NEK9: variants seen among roughly 807,000 people sequenced by gnomAD.
NEK9 encodes the protein NIMA related kinase 9.
A neutral mutation model predicts 123.4 loss-of-function variants in NEK9; 75 were observed. The observed-to-expected ratio is 0.61, with a 90% confidence interval of 0.50 to 0.74. NEK9 has a LOEUF of 0.74. Among genes scored for constraint, NEK9 ranks in the 30% least tolerant of loss-of-function variants. The pLI is 0.00. For missense variants in NEK9, 952 were observed against 1,214.4 expected, an observed-to-expected ratio of 0.78 and a Z score of 3.21; for synonymous variants, 438 against 458.7, an observed-to-expected ratio of 0.95 and a Z score of 0.58.
rs201030660 is a variant in NEK9, at chr14:75,087,176, G to T, written c.2659C>A (p.Pro887Thr). The change falls in exon 21 of 22, where the codon CCT (proline) becomes ACT (threonine). Residue 887 changes from proline to threonine, a missense_variant. Coordinates refer to ENST00000238616, the MANE Select transcript of NEK9 (RefSeq NM_033116.6). ...TCAGKGTPLTPPACACSSLQV... is the reference protein window; with the variant it reads ...TCAGKGTPLTTPACACSSLQV... The stretch of plus-strand genomic sequence containing the variant: ...AGAGAGCTGCACGCACACGCAGGAG[G>T]AGTCAGTGGTGTTCCCTTCCCAGCA... The T allele has an allele frequency of 7.8e-5, 126 of 1,614,110 alleles. No individual in the cohort carries two copies. Among genetic ancestry groups the T allele is most frequent in the Non-Finnish European group, 8.9e-5 (105 of 1,180,030 alleles).
chr14:75,115,337 G>A (rs1451349428), intron 6 of NEK9, among the ~76,000 whole-genome samples: 6 of 151,996 alleles, frequency 3.9e-5, no homozygotes, highest in African/African-American at 1.2e-4. Flanking sequence ...GGCTGGTCTC[G>A]AACTCCTGAC....
At chr14:75,086,502 GA>G (rs942626863) in intron 21 of NEK9, 2 of 156,976 alleles carry the variant, frequency 1.3e-5, no homozygotes, top group Non-Finnish European at 2.8e-5. Flanking sequence ...TATTGTAAAA[GA>G]AAAAACATAC....
intron 18 of NEK9, among the ~76,000 whole-genome samples, chr14:75,094,520 G>A (rs1894318825): frequency 6.6e-6 from 1 of 152,172 alleles, no homozygotes; most frequent in South Asian, 2.1e-4. Flanking sequence ...TCTGGGCTGG[G>A]CATGGTGGCT....
In NEK9 at chr14:75,084,543, G is replaced by C. The variant is rs1414885300; in HGVS notation, c.*21C>G. ...AGTTCTTTGGGTCCCAGTCTCCTGGGGGCTCTACAGGCTCAGGAGACTAGA... is the reference window on the plus strand; with the variant it reads ...AGTTCTTTGGGTCCCAGTCTCCTGGCGGCTCTACAGGCTCAGGAGACTAGA... On this transcript the variant is annotated 3_prime_UTR_variant, in exon 22 of 22. Transcript: ENST00000238616. 1 of 1,613,790 alleles carries C rather than the reference G, an allele frequency of 6.2e-7. No individual in the cohort carries two copies. Among genetic ancestry groups the C allele is most frequent in the Non-Finnish European group, 8.5e-7 (1 of 1,179,772 alleles).
At chr14:75,123,924 A>C in intron 2 of NEK9, 122 bp downstream of exon 2, 1 of 842,234 alleles carries the variant, frequency 1.2e-6, no homozygotes, top group Non-Finnish European at 1.7e-6. Context: ...GTTTCTCTTA[A>C]ACTCTAGAAA....
At chr14:75,100,066 T>C (rs7158770) in intron 16 of NEK9, among the ~76,000 whole-genome samples, 1,782 of 120,602 alleles carry the variant, frequency 0.015, 41 homozygotes, top group African/African-American at 0.055. Flanking sequence ...GAGGTGGAGG[T>C]TGCAGTGAGC....
intron 13 of NEK9, among the ~76,000 whole-genome samples, chr14:75,104,227 C>T (rs1037679470): frequency 1.3e-5 from 2 of 150,018 alleles, no homozygotes; most frequent in East Asian, 2.0e-4. Flanking sequence ...TGAAGTCGTG[C>T]GATCTTAGCT....
chr14:75,103,501 T>C (rs1370105372), intron 14 of NEK9, among the ~76,000 whole-genome samples: 1 of 152,234 alleles, frequency 6.6e-6, no homozygotes, highest in Non-Finnish European at 1.5e-5. Context: ...GACACATTTT[T>C]CTATATACAT....
intron 8 of NEK9, among the ~76,000 whole-genome samples, chr14:75,111,100 GC>G (rs1894944953): frequency 6.6e-6 from 1 of 152,074 alleles, no homozygotes. Context: ...CACGTGAACT[GC>G]CCTCTCGCAA....
chr14:75,109,720 C>G lies in NEK9; in HGVS notation c.1147G>C (p.Val383Leu). 3 of 1,614,062 alleles carry G rather than the reference C, an allele frequency of 1.9e-6. No individual in the cohort carries two copies. Among genetic ancestry groups the G allele is most frequent in the Middle Eastern group, 1.6e-4 (1 of 6,062 alleles). The change falls in exon 10 of 22, where the codon GTG (valine) becomes CTG (leucine). Residue 383 changes from valine (V) to leucine (L), a missense_variant. Coordinates refer to ENST00000238616, the MANE Select transcript of NEK9 (RefSeq NM_033116.6). ...TACAGTTCCTTCTCCACTGTGACCA[C>G]AGCAAAGTGGGTATTCCCTGCACAG... ...QVCAGNTHFA[V>L]VTVEKELYTW... is the part of the protein sequence containing the mutation.
At chr14:75,090,453 G>T (rs1188032007) in intron 19 of NEK9, among the ~76,000 whole-genome samples, 1 of 151,942 alleles carries the variant, frequency 6.6e-6, no homozygotes, top group Non-Finnish European at 1.5e-5. Flanking sequence ...ACATTCTTTT[G>T]TGTGTTACAT....
At chr14:75,100,145 A>C in intron 16 of NEK9, among the ~76,000 whole-genome samples, 7 of 136,492 alleles carry the variant, frequency 5.1e-5, no homozygotes, top group African/African-American at 1.8e-4. Flanking sequence ...AAAAAAAAAA[A>C]AAAAAAAAAA....
chr14:75,117,383 C>T, intron 5 of NEK9, 57 bp from the exon 6 acceptor site: 1 of 1,530,236 alleles, frequency 6.5e-7, no homozygotes. Flanking sequence ...ACTATGTTAA[C>T]ATTTCAACAG....
Position 75,091,355 on chromosome 14 carries a change from C to G in NEK9, c.2357G>C (p.Arg786Pro), listed in dbSNP as rs114347531. ...GGGACTGATTAAACCTTCCATTCCTCGGTCTGCTTCCATTGTTCCTCGGAA... is the reference window on the plus strand; with the variant it reads ...GGGACTGATTAAACCTTCCATTCCTGGGTCTGCTTCCATTGTTCCTCGGAA... Reference protein sequence around the residue: ...GGFRGTMEADRGMEGLISPTE... With the variant: ...GGFRGTMEADPGMEGLISPTE... The change falls in exon 19 of 22, where the codon CGA (arginine) becomes CCA (proline). Residue 786 changes from arginine (R) to proline (P), a missense_variant. Arg to Pro is a moderately radical substitution (Grantham distance 103, BLOSUM62 -2). Transcript: ENST00000238616. 6.2e-7 allele frequency: 1 copy of G among 1,614,118 alleles called. No homozygotes were observed. The highest frequency in any genetic ancestry group is 1.1e-5 in the South Asian group (1 of 91,050).
At chr14:75,116,317 G>A (rs921524441) in intron 6 of NEK9, 3 of 155,568 alleles carry the variant, frequency 1.9e-5, no homozygotes, top group African/African-American at 7.2e-5. Flanking sequence ...CATGCCTGTA[G>A]TTCGAACTAC....
At chr14:75,090,321 C>T (rs1407510452) in intron 19 of NEK9, among the ~76,000 whole-genome samples, 1 of 150,598 alleles carries the variant, frequency 6.6e-6, no homozygotes, top group Non-Finnish European at 1.5e-5. Context: ...TTTCACAAAC[C>T]ATAAATATTT....
At chr14:75,119,076 G>T (rs1252997094) in intron 4 of NEK9, 141 bp from the exon 5 acceptor site, 1 of 609,922 alleles carries the variant, frequency 1.6e-6, no homozygotes, top group Non-Finnish European at 2.9e-6. Flanking sequence ...AGCACTTTGG[G>T]AGGGCAAGGC....
At chr14:75,120,200 T>C (rs1021930747) in intron 4 of NEK9, among the ~76,000 whole-genome samples, 11 of 152,236 alleles carry the variant, frequency 7.2e-5, no homozygotes, top group African/African-American at 2.2e-4. Context: ...TGTGAATTCT[T>C]ACCAAATACT....
intron 6 of NEK9, among the ~76,000 whole-genome samples, chr14:75,115,685 G>GA (rs1423201090): frequency 6.6e-6 from 1 of 152,136 alleles, no homozygotes; most frequent in Admixed American, 6.5e-5. Flanking sequence ...GAGGCAACTG[G>GA]ATATGAATCC....
Sources: gnomAD v4.1 joint callset for allele counts (sites outside exome capture counted in the v4.1 genomes callset) on GRCh38, gnomAD v4.1.1 for gene constraint, MANE v1.5 for transcripts, NCBI Gene and HGNC (gene_info 2026-07-23, HGNC 2026-07-21) for gene names.